C14orf39: variants seen among roughly 807,000 people sequenced by gnomAD.
C14orf39 encodes protein SIX6OS1.
C14orf39 carries 66 observed loss-of-function variants against 85.6 expected under a neutral mutation model. The observed-to-expected ratio is 0.77, with a 90% CI of 0.63 to 0.95. The LOEUF (loss-of-function observed/expected upper bound fraction) is 0.95. C14orf39 is among the 40% of genes least tolerant of loss of function. The pLI is 0.00. For synonymous variants in C14orf39, 242 were observed against 214.0 expected (o/e 1.13, Z -1.14); for missense variants, 735 against 663.9 (o/e 1.11, Z -1.18).
chr14:60,514,973 G>A (rs1893343579), intron 1 of C14orf39: 1 of 152,506 alleles, frequency 6.6e-6, no homozygotes, highest in African/African-American at 2.4e-5. Flanking sequence ...GCGGGACAAT[G>A]CGCGGGGCCG....
intron 2 of C14orf39, chr14:60,494,476 A>G (rs1893037736): frequency 6.5e-6 from 1 of 153,176 alleles, no homozygotes; most frequent in South Asian, 2.1e-4. Context: ...TGTCAGCCCA[A>G]GAACATGGCC....
intron 1 of C14orf39, among the ~76,000 whole-genome samples, chr14:60,504,587 A>C (rs1426299058): frequency 6.6e-6 from 1 of 152,240 alleles, no homozygotes; most frequent in Non-Finnish European, 1.5e-5. Flanking sequence ...ATGTTTCATT[A>C]CTAATAATGA....
chr14:60,444,855 T>G (rs2140030240), intron 16 of C14orf39, among the ~76,000 whole-genome samples: 1 of 152,206 alleles, frequency 6.6e-6, no homozygotes, highest in East Asian at 1.9e-4. Flanking sequence ...CCCATCAGAC[T>G]AACAGCAGAT....
chr14:60,496,180 T>A (rs1893067053), intron 2 of C14orf39: 1 of 451,064 alleles, frequency 2.2e-6, no homozygotes, highest in Non-Finnish European at 4.5e-6. Flanking sequence ...TCCCCTGATG[T>A]GAGTACAGGA....
In C14orf39 at chr14:60,471,572, G is replaced by A. The variant is rs757790789; in HGVS notation, c.491C>T (p.Thr164Ile). ...AATACCTCGAAATTTCATAAAAATT[G>A]TTTCATTCATTTTTAATTGTTCAGT... ...ACTEQLKMNE[T>I]IFMKFRVPAP... is the part of the protein sequence containing the mutation. The change falls in exon 6 of 18, where the codon ACA becomes ATA. Residue 164 changes from threonine (T) to isoleucine (I), a missense_variant. Coordinates refer to ENST00000321731, the MANE Select transcript of C14orf39 (RefSeq NM_174978.3). The A allele has an allele frequency of 1.0e-5, 16 of 1,591,024 alleles. No individual in the cohort carries two copies. Among genetic ancestry groups the A allele is most frequent in the Non-Finnish European group, 1.2e-5 (14 of 1,172,298 alleles).
chr14:60,466,092 G>T, intron 10 of C14orf39, 37 bp from the exon 11 acceptor site: 1 of 1,022,188 alleles, frequency 9.8e-7, no homozygotes, highest in Non-Finnish European at 1.4e-6. Context: ...AATCAATGCT[G>T]GAAACAGAAT....
chr14:60,506,876 G>A (rs1893210715), intron 1 of C14orf39, among the ~76,000 whole-genome samples: 1 of 152,208 alleles, frequency 6.6e-6, no homozygotes, highest in South Asian at 2.1e-4. Context: ...AATGGGCCAT[G>A]GGATAAATAT....
intron 1 of C14orf39, among the ~76,000 whole-genome samples, chr14:60,508,752 C>T (rs1253775099): frequency 1.3e-5 from 2 of 152,348 alleles, no homozygotes; most frequent in East Asian, 3.9e-4. Context: ...CTTGCGAATT[C>T]TCGGAGCATT....
At chr14:60,455,319 TTAAA>T (rs1280174901) in intron 15 of C14orf39, among the ~76,000 whole-genome samples, 174 bp from the exon 16 acceptor site, 1 of 152,028 alleles carries the variant, frequency 6.6e-6, no homozygotes, top group Non-Finnish European at 1.5e-5. Context: ...GAGACTAATG[TTAAA>T]TAAAGTTAAA....
chr14:60,442,617 T>A (rs187451325), intron 16 of C14orf39, among the ~76,000 whole-genome samples: 1 of 152,328 alleles, frequency 6.6e-6, no homozygotes, highest in East Asian at 1.9e-4. Flanking sequence ...CATTTGTCCA[T>A]GTCATTATTC....
Position 60,510,120 on chromosome 14 carries a change from C to A in C14orf39, c.-144+5275G>T, listed in dbSNP as rs572206905. The A allele has an allele frequency of 3.0e-3, 2,201 of 722,888 alleles. 2 individuals are homozygous for A. Among genetic ancestry groups the A allele is most frequent in the Non-Finnish European group, 4.4e-3 (1,879 of 427,452 alleles). The allele number at this position is 722,888 out of a possible 1,614,324, so 44.8% of individuals were successfully genotyped here. On this transcript the variant is annotated intron_variant, in intron 1 of 5. Transcript: ENST00000556799. ...TGGGTTAAGAGCCCTGCGTTCTGGG[C>A]TCCTGGCCGGGAGTTCCCTTGCCGG...
At chr14:60,509,791 G>A (rs1893262531) in intron 1 of C14orf39, 1 of 1,613,470 alleles carries the variant, frequency 6.2e-7, no homozygotes, top group Non-Finnish European at 8.5e-7. Context: ...GCGAACAGAA[G>A]ACACACTGCT....
chr14:60,439,551 A>G lies in C14orf39; in HGVS notation c.1562-2504T>C, dbSNP rs115368050. ...TACCATGCTCCAAACCTTAAAAGCC[A>G]GAATAATGGAGATACCATCAGGGAC... On this transcript the variant is annotated intron_variant, in intron 17 of 17. Coordinates refer to ENST00000321731, the MANE Select transcript of C14orf39 (RefSeq NM_174978.3). Among the ~76,000 whole-genome samples, 456 of 152,348 alleles carry G rather than the reference A, an allele frequency of 3.0e-3. 2 individuals carry two copies. The highest frequency in any genetic ancestry group is 0.01 in the African/African-American group (434 of 41,592).
intron 11 of C14orf39, among the ~76,000 whole-genome samples, chr14:60,463,424 TC>T (rs1339791446): frequency 1.3e-5 from 2 of 152,160 alleles, no homozygotes; most frequent in Non-Finnish European, 2.9e-5. Context: ...AGTCCATTGA[TC>T]ACTTTGTCTT....
Position 60,437,067 on chromosome 14 carries a change from C to T in C14orf39, c.1562-20G>A. ...AGTTTCCTAAGGAAGATAAACATTA[C>T]AATATCATGCTCTTCATATTATATA... On this transcript the variant is annotated intron_variant, in intron 17 of 17. Transcript: ENST00000321731. The T allele has an allele frequency of 1.3e-6, 2 of 1,495,230 alleles. No individual in the cohort carries two copies. Among genetic ancestry groups the T allele is most frequent in the Non-Finnish European group, 1.8e-6 (2 of 1,092,594 alleles). The allele number at this position is 1,495,230 out of a possible 1,614,324, so 92.6% of individuals were successfully genotyped here.
At chr14:60,465,944 TATTTA>T (rs146468183) in intron 11 of C14orf39, 30 bp downstream of exon 11, 12,157 of 1,080,956 alleles carry the variant, frequency 0.011, 110 homozygotes, top group Non-Finnish European at 0.015. Context: ...TGCAAGCAGG[TATTTA>T]ATTTATACTA....
chr14:60,466,787 C>T (rs992325658), intron 10 of C14orf39, 130 bp downstream of exon 10: 7 of 552,430 alleles, frequency 1.3e-5, no homozygotes, highest in African/African-American at 1.2e-4. Flanking sequence ...CAAAGCAGTA[C>T]TCTCTTGAGT....
At chr14:60,452,285 T>C (rs554636371) in intron 16 of C14orf39, among the ~76,000 whole-genome samples, 2 of 151,672 alleles carry the variant, frequency 1.3e-5, no homozygotes, top group South Asian at 2.1e-4. Flanking sequence ...GAGAAAATCA[T>C]CTTCACTTAA....
At chr14:60,443,899 C>A (rs1403324183) in intron 16 of C14orf39, among the ~76,000 whole-genome samples, 1 of 152,176 alleles carries the variant, frequency 6.6e-6, no homozygotes, top group Non-Finnish European at 1.5e-5. Context: ...GATACACAGG[C>A]AAACAGGGTC....
Sources: gnomAD v4.1 joint callset for allele counts (sites outside exome capture counted in the v4.1 genomes callset) on GRCh38, gnomAD v4.1.1 for gene constraint, MANE v1.5 for transcripts, NCBI Gene and HGNC (gene_info 2026-07-23, HGNC 2026-07-21) for gene names.